The following KREMEN2 variants were observed in gnomAD, a reference collection of about 807,000 sequenced individuals.
The protein encoded by KREMEN2 is kremen protein 2.
Under a neutral mutation model 49.8 loss-of-function variants are expected in KREMEN2, and 43 were observed. The observed-to-expected ratio is 0.86, with a 90% CI of 0.68 to 1.11. The LOEUF is 1.11. Ranked by LOEUF, KREMEN2 falls within the 50% of genes most tolerant of loss-of-function variation. KREMEN2 has a pLI of 0.00. For missense variants in KREMEN2, 686 were observed against 665.7 expected (o/e 1.03, Z -0.34); for synonymous variants, 355 against 304.9 (o/e 1.16, Z -1.71).
In KREMEN2 at chr16:2,966,919, G is replaced by A; in HGVS notation, c.650G>A (p.Gly217Asp). 1 of 1,546,668 alleles carries A rather than the reference G, an allele frequency of 6.5e-7. No individual in the cohort carries two copies. The highest frequency in any genetic ancestry group is 8.7e-7 in the Non-Finnish European group (1 of 1,144,158). ...CCGGCCCCGCCCGCAGTGTCGGTGG[G>A]CTCCTGCCAGGGGAACTGGACAGCG... is the stretch of plus-strand genomic sequence containing the variant. ...GRLGVYEVSV[G>D]SCQGNWTAPQ... Residue 217 changes from glycine (G) to aspartate (D), a missense_variant, in exon 6 of 9, where the codon GGC (glycine) becomes GAC (aspartate). Physicochemically the swap from Gly to Asp is moderately conservative, Grantham distance 94. Transcript: ENST00000303746. This position sits in a 1 kb window ranked among gnomAD's most constrained non-coding sequence, Gnocchi z 8.4.
rs4786362 is a variant in KREMEN2, at chr16:2,966,075, G to C, written c.270-65G>C. 5.6e-3 allele frequency: 8,082 copies of C among 1,436,450 alleles called. 358 individuals are homozygous for C. The East Asian group carries it at 0.1, about 18-fold the overall frequency. 89.0% of individuals were successfully genotyped at this position (1,436,450 alleles called of 1,614,324 possible). On this transcript the variant is annotated intron_variant, in intron 2 of 8. Coordinates refer to ENST00000303746, the MANE Select transcript of KREMEN2 (RefSeq NM_172229.3). This position sits in a 1 kb window ranked among gnomAD's most constrained non-coding sequence, Gnocchi z 8.4. ...AAGGCCACTTTGAGCATAGGCTGCG[G>C]GGCCGGGCCTGGGTTTGCTATTCTT...
chr16:2,964,623 C>G lies in KREMEN2; in HGVS notation c.94+9C>G. 6.3e-7 allele frequency: 1 copy of G among 1,576,522 alleles called. No individual in the cohort carries two copies. The highest frequency in any genetic ancestry group is 8.6e-7 in the Non-Finnish European group (1 of 1,165,010). Reference sequence around the variant, plus strand: ...GAGCCTGCACAGTCCAGGTAAGTCCCCGCACGGCTGTCGGGCCGTGTTCAC... The same window carrying G: ...GAGCCTGCACAGTCCAGGTAAGTCCGCGCACGGCTGTCGGGCCGTGTTCAC... On this transcript the variant is annotated intron_variant, in intron 1 of 8. Coordinates refer to ENST00000303746, the MANE Select transcript of KREMEN2 (RefSeq NM_172229.3).
rs1367932783 is a variant in KREMEN2, at chr16:2,967,006, G to C, written c.737G>C (p.Ser246Thr). ...GAGTACGGGCCGGACCGGAACTGCA[G>C]CTGGGCCCTGGGCCCGCCAGGCGCC... ...PDEYGPDRNC[S>T]WALGPPGAAL... Residue 246 changes from serine (S) to threonine (T), a missense_variant, in exon 6 of 9, where the codon AGC becomes ACC. By Grantham distance (58) the Ser-to-Thr change is moderately conservative. Coordinates refer to ENST00000303746, the MANE Select transcript of KREMEN2 (RefSeq NM_172229.3). The C allele has an allele frequency of 1.3e-6, 2 of 1,550,412 alleles. No homozygotes were observed. The highest frequency in any genetic ancestry group is 8.7e-7 in the Non-Finnish European group (1 of 1,147,402).
At position 2,966,386 on chromosome 16, in the gene KREMEN2, C is replaced by A; in HGVS notation, c.423C>A (p.Ser141Arg). The change falls in exon 4 of 9, where the codon AGC becomes AGA. Residue 141 changes from serine (S) to arginine (R), a missense_variant. Physicochemically the swap from Ser to Arg is moderately radical, Grantham distance 110. Coordinates refer to ENST00000303746, the MANE Select transcript of KREMEN2 (RefSeq NM_172229.3). This position sits in a 1 kb window ranked among gnomAD's most constrained non-coding sequence, Gnocchi z 8.4. Reference protein sequence around the residue: ...SGAPPALSGPSGTSTKLTVQV... With the variant: ...SGAPPALSGPRGTSTKLTVQV... ...CACCCCCAGCCCTCAGCGGCCCCAGCGGCACCTCCACGAAGCTCACGGTCC... is the reference window on the plus strand; with the variant it reads ...CACCCCCAGCCCTCAGCGGCCCCAGAGGCACCTCCACGAAGCTCACGGTCC... 1 of 1,611,410 alleles carries A rather than the reference C, an allele frequency of 6.2e-7. No individual in the cohort carries two copies. The highest frequency in any genetic ancestry group is 8.5e-7 in the Non-Finnish European group (1 of 1,180,004).
intron 1 of KREMEN2, 88 bp downstream of exon 1, chr16:2,964,702 G>A (rs1596423879): frequency 1.4e-6 from 2 of 1,401,242 alleles, no homozygotes; most frequent in Non-Finnish European, 9.7e-7. Flanking sequence ...CTAGGGAGGG[G>A]GACAGAGCAG....
Position 2,966,758 on chromosome 16 carries a change from G to C in KREMEN2, c.603G>C (p.Gln201His). 1 of 1,612,052 alleles carries C rather than the reference G, an allele frequency of 6.2e-7. No individual in the cohort carries two copies. Among genetic ancestry groups the C allele is most frequent in the Non-Finnish European group, 8.5e-7 (1 of 1,179,832 alleles). The change falls in exon 5 of 9, where the codon CAG (glutamine) becomes CAC (histidine). Residue 201 changes from glutamine (Q) to histidine (H), a missense_variant. Gln to His is a conservative substitution (Grantham distance 24). Coordinates refer to ENST00000303746, the MANE Select transcript of KREMEN2 (RefSeq NM_172229.3). The surrounding 1 kb of genome is among the most constrained non-coding windows in gnomAD (Gnocchi z 8.4). ...CDQICFGHPG[Q>H]LCGGDGRLGV... ...AGATCTGTTTCGGCCACCCTGGACA[G>C]CTGTGTGGCGGCGATGGGCGGCTGG...
At chr16:2,964,766 C>A in intron 1 of KREMEN2, 93 bp from the exon 2 acceptor site, 1 of 1,480,416 alleles carries the variant, frequency 6.8e-7, no homozygotes, top group Non-Finnish European at 9.2e-7. Flanking sequence ...GGTGCGGGGT[C>A]GCTGGCTGGG....
chr16:2,965,631 C>T (rs1344362105), intron 2 of KREMEN2, among the ~76,000 whole-genome samples: 1 of 152,120 alleles, frequency 6.6e-6, no homozygotes, highest in Non-Finnish European at 1.5e-5. Flanking sequence ...ATTAGCGGGG[C>T]ATGGTGGCGG....
Position 2,967,221 on chromosome 16 carries a change from G to A in KREMEN2, c.952G>A (p.Gly318Ser). 7.4e-7 allele frequency: 1 copy of A among 1,351,906 alleles called. No homozygotes were observed. The highest frequency in any genetic ancestry group is 9.4e-7 in the Non-Finnish European group (1 of 1,060,924). 83.7% of individuals were successfully genotyped at this position (1,351,906 alleles called of 1,614,324 possible). A position where few individuals can be genotyped will look rare whatever the true frequency, so the allele number is the denominator to read the frequency against. The change falls in exon 6 of 9, where the codon GGC (glycine) becomes AGC (serine). Residue 318 changes from glycine (G) to serine (S), a missense_variant. Physicochemically the swap from Gly to Ser is moderately conservative, Grantham distance 56. Transcript: ENST00000303746. Reference protein sequence around the residue: ...FRSDARGHAQGFALTYRGLQD... With the variant: ...FRSDARGHAQSFALTYRGLQD... ...AAGCGACGCGCGCGGCCACGCGCAAGGCTTCGCGCTCACCTACCGCGGTGA... is the reference window on the plus strand; with the variant it reads ...AAGCGACGCGCGCGGCCACGCGCAAAGCTTCGCGCTCACCTACCGCGGTGA...
Position 2,967,838 on chromosome 16 carries a change from C to G in KREMEN2, c.1207C>G (p.Pro403Ala), listed in dbSNP as rs939506323. The change falls in exon 9 of 9, where the codon CCC becomes GCC. Residue 403 changes from proline (P) to alanine (A), a missense_variant. Physicochemically the swap from Pro to Ala is conservative, Grantham distance 27. Coordinates refer to ENST00000303746, the MANE Select transcript of KREMEN2 (RefSeq NM_172229.3). ...CTGTCTGCTGGCTCCGGGAAAAGGG[C>G]CCCCGGCGCTGGGGGCTTCCAGGGG... ...RSCLLAPGKG[P>A]PALGASRGPR... is the part of the protein sequence containing the mutation. The G allele has an allele frequency of 6.4e-7, 1 of 1,550,886 alleles. No individual in the cohort carries two copies. The highest frequency in any genetic ancestry group is 1.4e-5 in the African/African-American group (1 of 73,172).
Position 2,966,023 on chromosome 16 carries a change from A to G in KREMEN2, c.270-117A>G. On this transcript the variant is annotated intron_variant, in intron 2 of 8. Coordinates refer to ENST00000303746, the MANE Select transcript of KREMEN2 (RefSeq NM_172229.3). This position sits in a 1 kb window ranked among gnomAD's most constrained non-coding sequence, Gnocchi z 8.4. ...AATTTGTGGGTGTACAGCAGGCAGC[A>G]CAGCCGCTCACAGGCACAGAGCCTT... The G allele has an allele frequency of 1.2e-6, 1 of 847,114 alleles. No homozygotes were observed. Among genetic ancestry groups the G allele is most frequent in the South Asian group, 1.5e-5 (1 of 64,584 alleles). 52.5% of individuals were successfully genotyped at this position (847,114 alleles called of 1,614,324 possible).
rs904821592 is a variant in KREMEN2 at position 2,964,754 on chromosome 16, C to A, written c.95-105C>A. On this transcript the variant is annotated intron_variant, in intron 1 of 8. Coordinates refer to ENST00000303746, the MANE Select transcript of KREMEN2 (RefSeq NM_172229.3). ...AGCAGCCCGAGGGCTCCTGCAGGGG[C>A]GGGTGCGGGGTCGCTGGCTGGGGAC... 4.5e-5 allele frequency: 64 copies of A among 1,431,344 alleles called. No individual in the cohort carries two copies. In the East Asian group the frequency reaches 1.3e-3, roughly 29 times the overall value. The allele number at this position is 1,431,344 out of a possible 1,614,324, so 88.7% of individuals were successfully genotyped here. A position where few individuals can be genotyped will look rare whatever the true frequency, so the allele number is the denominator to read the frequency against.
chr16:2,965,186 G>A (rs1265188802), intron 2 of KREMEN2, among the ~76,000 whole-genome samples, 153 bp downstream of exon 2: 2 of 149,474 alleles, frequency 1.3e-5, no homozygotes, highest in Non-Finnish European at 3.0e-5. Context: ...AATGAGGGGC[G>A]GGGCGGGGCG....
chr16:2,964,898 GCGGCCA>G lies in KREMEN2; in HGVS notation c.136_141del (p.Gly46_His47del), dbSNP rs1423268798. 2 of 1,610,052 alleles carry G rather than the reference GCGGCCA, an allele frequency of 1.2e-6. No individual in the cohort carries two copies. Among genetic ancestry groups the G allele is most frequent in the African/African-American group, 2.7e-5 (2 of 74,634 alleles). ...TTCCAGGTGAATGGGGCTGACTACC[GCGGCCA>G]CCAGAACCGCACTGGCCCGCGCGGG... On this transcript the variant is annotated inframe_deletion, in exon 2 of 9. Coordinates refer to ENST00000303746, the MANE Select transcript of KREMEN2 (RefSeq NM_172229.3).
Position 2,966,324 on chromosome 16 carries a change from G to C in KREMEN2, c.362-1G>C. ...ACGGAAGTCTGACTCTGCCCCCTCAGTGCCAGGCTACCTGGGATGCTTTGT... is the reference window on the plus strand; with the variant it reads ...ACGGAAGTCTGACTCTGCCCCCTCACTGCCAGGCTACCTGGGATGCTTTGT... On this transcript the variant is annotated splice_acceptor_variant, in intron 3 of 8. Coordinates refer to ENST00000303746, the MANE Select transcript of KREMEN2 (RefSeq NM_172229.3). LOFTEE classifies it high-confidence loss of function. The surrounding 1 kb of genome is among the most constrained non-coding windows in gnomAD (Gnocchi z 8.4). The C allele has an allele frequency of 6.2e-7, 1 of 1,612,518 alleles. No homozygotes were observed. Among genetic ancestry groups the C allele is most frequent in the African/African-American group, 1.3e-5 (1 of 74,996 alleles).
At position 2,967,207 on chromosome 16, in the gene KREMEN2, G is replaced by T; in HGVS notation, c.938G>T (p.Arg313Leu). 7.4e-7 allele frequency: 1 copy of T among 1,354,102 alleles called. No homozygotes were observed. Among genetic ancestry groups the T allele is most frequent in the South Asian group, 1.8e-5 (1 of 54,062 alleles). 83.9% of individuals were successfully genotyped at this position (1,354,102 alleles called of 1,614,324 possible). A position where few individuals can be genotyped will look rare whatever the true frequency, so the allele number is the denominator to read the frequency against. ...CTGCTCACCTTCCGAAGCGACGCGC[G>T]CGGCCACGCGCAAGGCTTCGCGCTC... ...ALLLTFRSDA[R>L]GHAQGFALTY... Residue 313 changes from arginine to leucine, a missense_variant, in exon 6 of 9, where the codon CGC becomes CTC. Transcript: ENST00000303746.
At position 2,964,585 on chromosome 16, in the gene KREMEN2, G is replaced by T. The variant is rs778746822; in HGVS notation, c.65G>T (p.Gly22Val). 5.6e-6 allele frequency: 9 copies of T among 1,608,342 alleles called. No individual in the cohort carries two copies. In the East Asian group the frequency reaches 2.0e-4, roughly 36 times the overall value. The change falls in exon 1 of 9, where the codon GGG (glycine) becomes GTG (valine). Residue 22 changes from glycine (G) to valine (V), a missense_variant. Physicochemically the swap from Gly to Val is moderately radical, Grantham distance 109 (BLOSUM62 -3). Coordinates refer to ENST00000303746, the MANE Select transcript of KREMEN2 (RefSeq NM_172229.3). ...LLFLPLLQPRGASAGSLHSPG... is the reference protein window; with the variant it reads ...LLFLPLLQPRVASAGSLHSPG... ...TTCCTCCCGCTGCTGCAGCCGCGTG[G>T]GGCCTCGGCTGGGAGCCTGCACAGT...
Position 2,966,358 on chromosome 16 carries a change from G to A in KREMEN2, c.395G>A (p.Gly132Glu). The part of the protein sequence containing the change: ...PGYLGCFVDS[G>E]APPALSGPSG... ...TACCTGGGATGCTTTGTGGACTCAGGGGCACCCCCAGCCCTCAGCGGCCCC... is the reference window on the plus strand; with the variant it reads ...TACCTGGGATGCTTTGTGGACTCAGAGGCACCCCCAGCCCTCAGCGGCCCC... The change falls in exon 4 of 9, where the codon GGG (glycine) becomes GAG (glutamate). Residue 132 changes from glycine (G) to glutamate (E), a missense_variant. Physicochemically the swap from Gly to Glu is moderately conservative, Grantham distance 98. Transcript: ENST00000303746. This position sits in a 1 kb window ranked among gnomAD's most constrained non-coding sequence, Gnocchi z 8.4. 6.2e-7 allele frequency: 1 copy of A among 1,611,876 alleles called. No homozygotes were observed. Among genetic ancestry groups the A allele is most frequent in the Non-Finnish European group, 8.5e-7 (1 of 1,180,006 alleles).
In KREMEN2 at chr16:2,967,316, G is replaced by A; in HGVS notation, c.974-4G>A. On this transcript the variant is annotated splice_region_variant and splice_polypyrimidine_tract_variant and intron_variant, in intron 6 of 8. Transcript: ENST00000303746. ...CCCACCCCGCCTCACGCCCCTCTCCGCAGGGCTGCAGGACGCCGCTGAGGA... is the reference window on the plus strand; with the variant it reads ...CCCACCCCGCCTCACGCCCCTCTCCACAGGGCTGCAGGACGCCGCTGAGGA... 2 of 1,374,254 alleles carry A rather than the reference G, an allele frequency of 1.5e-6. No individual in the cohort carries two copies. Among genetic ancestry groups the A allele is most frequent in the South Asian group, 1.7e-5 (1 of 59,540 alleles). 85.1% of individuals were successfully genotyped at this position (1,374,254 alleles called of 1,614,324 possible). A position where few individuals can be genotyped will look rare whatever the true frequency, so the allele number is the denominator to read the frequency against.
Sources: gnomAD v4.1 joint callset for allele counts (sites outside exome capture counted in the v4.1 genomes callset) on GRCh38, gnomAD v4.1.1 for gene constraint, Gnocchi (gnomAD v3.1) non-coding constraint, MANE v1.5 for transcripts, NCBI Gene and HGNC (gene_info 2026-07-23, HGNC 2026-07-21) for gene names.